Variants in IKZF2 observed in about 807,000 individuals in gnomAD.
IKZF2 encodes the protein zinc finger protein Helios.
IKZF2 carries 15 observed loss-of-function variants against 49.2 expected under a neutral mutation model. The ratio of observed to expected loss-of-function variants is 0.30; its 90% CI spans 0.20 to 0.47. The LOEUF (loss-of-function observed/expected upper bound fraction) is 0.47. IKZF2 is among the 20% of genes least tolerant of loss of function. The pLI is 1.00. For missense variants in IKZF2, 567 were observed against 664.6 expected (o/e 0.85, Z 1.61); for synonymous variants, 227 against 221.4 (o/e 1.03, Z -0.23).
chr2:213,124,248 GCGCGCACACACA>G (rs761872234), intron 4 of IKZF2, among the ~76,000 whole-genome samples: 17 of 115,542 alleles, frequency 1.5e-4, no homozygotes, highest in South Asian at 1.4e-3. Flanking sequence ...GCTCGCGCGC[GCGCGCACACACA>G]CACACACACA....
intron 4 of IKZF2, among the ~76,000 whole-genome samples, chr2:213,061,253 T>G (rs965234893): frequency 4.6e-5 from 7 of 151,490 alleles, no homozygotes; most frequent in Non-Finnish European, 7.4e-5. Context: ...TCCAGATACA[T>G]AATAGTGAAT....
intron 6 of IKZF2, among the ~76,000 whole-genome samples, chr2:213,047,301 T>C (rs970615361): frequency 6.6e-6 from 1 of 152,064 alleles, no homozygotes; most frequent in African/African-American, 2.4e-5. Flanking sequence ...CCACACAGAA[T>C]CAGCTGGCTA....
At position 213,147,851 on chromosome 2, in the gene IKZF2, T is replaced by C. The variant is rs769676835; in HGVS notation, c.35-39A>G. 3.4e-6 allele frequency: 5 copies of C among 1,474,960 alleles called. No individual in the cohort carries two copies. The African/African-American group carries it at 4.1e-5, about 12-fold the overall frequency. 91.4% of individuals were successfully genotyped at this position (1,474,960 alleles called of 1,614,324 possible). On this transcript the variant is annotated intron_variant, in intron 3 of 8. Coordinates refer to ENST00000434687, the MANE Select transcript of IKZF2 (RefSeq NM_001387220.1). ...ATATAATCTTTTGGTTTCTATTCAT[T>C]GTCACATAAGATGTAATTACTAACT...
intron 4 of IKZF2, among the ~76,000 whole-genome samples, chr2:213,128,998 A>G (rs1413142643): frequency 1.3e-5 from 2 of 151,704 alleles, no homozygotes; most frequent in East Asian, 3.9e-4. Flanking sequence ...TCCCCATGTG[A>G]CTTTCGCCTC....
intron 4 of IKZF2, among the ~76,000 whole-genome samples, chr2:213,084,327 G>A (rs1255663571): frequency 6.6e-6 from 1 of 152,072 alleles, no homozygotes; most frequent in Non-Finnish European, 1.5e-5. Context: ...CTGTATGAAA[G>A]TACCTCACAC....
intron 5 of IKZF2, among the ~76,000 whole-genome samples, chr2:213,053,562 T>C (rs915001527): frequency 5.9e-5 from 9 of 152,104 alleles, no homozygotes; most frequent in African/African-American, 2.2e-4. Context: ...CTGAGTGCCT[T>C]TGAGCAAGAG....
intron 4 of IKZF2, chr2:213,147,261 A>C (rs574018598): frequency 1.0e-4 from 25 of 240,100 alleles, no homozygotes; most frequent in Admixed American, 4.1e-4. Context: ...TGGAGAAGAA[A>C]CTTTCACATT....
intron 3 of IKZF2, among the ~76,000 whole-genome samples, chr2:213,148,337 A>G (rs1206192549): frequency 1.3e-5 from 2 of 152,238 alleles, no homozygotes; most frequent in Non-Finnish European, 2.9e-5. Context: ...AACAAAGTAA[A>G]TTATAAAAAG....
intron 4 of IKZF2, among the ~76,000 whole-genome samples, chr2:213,135,003 T>G (rs777041589): frequency 1.3e-5 from 2 of 152,216 alleles, no homozygotes; most frequent in Non-Finnish European, 2.9e-5. Context: ...CTCTGCTCTT[T>G]CTTTTATAGG....
At chr2:213,017,370 T>C (rs915808809) in intron 7 of IKZF2, among the ~76,000 whole-genome samples, 4 of 152,198 alleles carry the variant, frequency 2.6e-5, no homozygotes, top group African/African-American at 9.6e-5. Context: ...TATTTGCCTA[T>C]TTCATGGAGA....
intron 4 of IKZF2, among the ~76,000 whole-genome samples, chr2:213,093,908 C>G (rs1705648684): frequency 6.6e-6 from 1 of 152,064 alleles, no homozygotes. Flanking sequence ...TATGTGGATT[C>G]TAAGAACAGA....
intron 4 of IKZF2, among the ~76,000 whole-genome samples, chr2:213,146,766 G>GGGGGGGGA (rs1553604965): frequency 8.0e-6 from 1 of 124,442 alleles, no homozygotes; most frequent in African/African-American, 2.8e-5. Flanking sequence ...CTTCGGGGGG[G>GGGGGGGGA]GGGAAGGAAA....
intron 4 of IKZF2, among the ~76,000 whole-genome samples, chr2:213,096,086 T>C (rs1705949212): frequency 6.6e-6 from 1 of 151,748 alleles, no homozygotes; most frequent in Non-Finnish European, 1.5e-5. Context: ...GAAGAGGGTA[T>C]AGCTGAAGTC....
At chr2:213,021,849 G>C in intron 7 of IKZF2, 144 bp downstream of exon 7, 1 of 846,994 alleles carries the variant, frequency 1.2e-6, no homozygotes. Context: ...TTTCAATACA[G>C]ATTATTTGCA....
At chr2:213,149,949 G>A (rs185949230) in intron 2 of IKZF2, among the ~76,000 whole-genome samples, 195 bp downstream of exon 2, 136 of 152,140 alleles carry the variant, frequency 8.9e-4, no homozygotes, top group Non-Finnish European at 1.0e-3. Context: ...GTTTAAAAGA[G>A]GAGCAGTTTC....
rs371204425 is a variant in IKZF2, at chr2:213,069,191, C to T, written c.140-12092G>A. 1.4e-4 allele frequency among the ~76,000 whole-genome samples: 21 copies of T among 152,144 alleles called. No homozygotes were observed. The South Asian group carries it at 3.7e-3, about 27-fold the overall frequency. The stretch of plus-strand genomic sequence containing the variant: ...AGGGGAATGCTGTTACAGTAGGGAT[C>T]ACCTCAGCACTTCACATGGATTGTG... On this transcript the variant is annotated intron_variant, in intron 4 of 8. Coordinates refer to ENST00000434687, the MANE Select transcript of IKZF2 (RefSeq NM_001387220.1).
intron 6 of IKZF2, among the ~76,000 whole-genome samples, chr2:213,044,912 TG>T (rs1282223186): frequency 6.6e-6 from 1 of 152,168 alleles, no homozygotes; most frequent in Non-Finnish European, 1.5e-5. Context: ...CAGAGAAACA[TG>T]GGATGGTAGT....
chr2:213,064,362 A>G (rs9288464), intron 4 of IKZF2, among the ~76,000 whole-genome samples: 104,583 of 151,792 alleles, frequency 0.69, 37,257 homozygotes, highest in East Asian at 0.97. Flanking sequence ...TTTTATCTAC[A>G]TTTAAACAGA....
At chr2:213,147,397 C>T in intron 4 of IKZF2, 1 of 528,576 alleles carries the variant, frequency 1.9e-6, no homozygotes, top group Non-Finnish European at 3.3e-6. Flanking sequence ...CATTTTTTAC[C>T]CAACAACAAC....
Sources: gnomAD v4.1 joint callset for allele counts (sites outside exome capture counted in the v4.1 genomes callset) on GRCh38, gnomAD v4.1.1 for gene constraint, MANE v1.5 for transcripts, NCBI Gene and HGNC (gene_info 2026-07-23, HGNC 2026-07-21) for gene names.